ZEB1: variants seen among roughly 807,000 people sequenced by gnomAD.
The protein encoded by ZEB1 is zinc finger E-box binding homeobox 1, also known as zinc finger E-box-binding homeobox 1.
A neutral mutation model predicts 84.9 loss-of-function variants in ZEB1; 21 were observed. That is an observed-to-expected ratio of 0.25 (90% confidence interval 0.18 to 0.36). The LOEUF (loss-of-function observed/expected upper bound fraction) is 0.36. ZEB1 is among the 10% of genes least tolerant of loss of function. ZEB1 has a pLI of 1.00. For missense variants in ZEB1, 1,104 were observed against 1,330.2 expected (o/e 0.83, Z 2.65); for synonymous variants, 420 against 471.1 (o/e 0.89, Z 1.41).
At chr10:31,446,555 T>C (rs1412721745) in intron 1 of ZEB1, among the ~76,000 whole-genome samples, 1 of 151,430 alleles carries the variant, frequency 6.6e-6, no homozygotes, top group African/African-American at 2.4e-5. Context: ...CATTTAGTGC[T>C]ATAAATTTCC....
chr10:31,478,897 G>C (rs954012841), intron 2 of ZEB1, among the ~76,000 whole-genome samples: 2 of 151,732 alleles, frequency 1.3e-5, no homozygotes, highest in Middle Eastern at 3.4e-3. Flanking sequence ...TTTATAATTC[G>C]AATTTACAAT....
At chr10:31,439,571 T>C (rs986021116) in intron 1 of ZEB1, among the ~76,000 whole-genome samples, 2 of 152,096 alleles carry the variant, frequency 1.3e-5, no homozygotes, top group Non-Finnish European at 2.9e-5. Context: ...CCTGTCTGAA[T>C]GGAACTTGCA....
At chr10:31,497,582 A>T (rs192726479) in intron 3 of ZEB1, among the ~76,000 whole-genome samples, 1 of 152,254 alleles carries the variant, frequency 6.6e-6, no homozygotes, top group African/African-American at 2.4e-5. Context: ...GAGACTTTTG[A>T]GCAGTTAAAC....
At chr10:31,420,222 A>G (rs1313448285) in intron 1 of ZEB1, among the ~76,000 whole-genome samples, 1 of 152,130 alleles carries the variant, frequency 6.6e-6, no homozygotes, top group East Asian at 1.9e-4. Context: ...CTGCGTAACA[A>G]ATGACAAGAA....
intron 2 of ZEB1, among the ~76,000 whole-genome samples, chr10:31,461,919 G>A (rs2061866142): frequency 6.6e-6 from 1 of 152,018 alleles, no homozygotes; most frequent in Non-Finnish European, 1.5e-5. Flanking sequence ...AGCCTGTCTT[G>A]CCAGGTTAAG....
At chr10:31,400,611 T>C (rs1002601133) in intron 1 of ZEB1, among the ~76,000 whole-genome samples, 2 of 152,120 alleles carry the variant, frequency 1.3e-5, no homozygotes, top group African/African-American at 4.8e-5. Context: ...AAAGTAGTCA[T>C]TTAGTACAGT....
intron 1 of ZEB1, among the ~76,000 whole-genome samples, chr10:31,330,487 T>G (rs1177794068): frequency 6.6e-6 from 1 of 152,214 alleles, no homozygotes; most frequent in African/African-American, 2.4e-5. Context: ...GCGAGTGTTG[T>G]CTTCAAGGTT....
In ZEB1 at chr10:31,463,949, G is replaced by A. The variant is rs535136794; in HGVS notation, c.259+2712G>A. On this transcript the variant is annotated intron_variant, in intron 2 of 8. Transcript: ENST00000424869. ...ACTGACCCATAAAGGCTAATTACTA[G>A]AGTTACGTCATACAGATTTATAAAA... Among the ~76,000 whole-genome samples the A allele has an allele frequency of 2.0e-5, 3 of 152,276 alleles. No homozygotes were observed. In the South Asian group the frequency reaches 6.2e-4, roughly 32 times the overall value.
chr10:31,509,966 T>C (rs1037939800), intron 4 of ZEB1, among the ~76,000 whole-genome samples: 1 of 152,180 alleles, frequency 6.6e-6, no homozygotes, highest in African/African-American at 2.4e-5. Flanking sequence ...TATTCATACA[T>C]ATACAGTTAT....
At chr10:31,362,741 T>G in intron 1 of ZEB1, 1 of 573,332 alleles carries the variant, frequency 1.7e-6, no homozygotes, top group Non-Finnish European at 3.2e-6. Flanking sequence ...GAGATGCTCC[T>G]CAGGTCTCAA....
chr10:31,486,188 A>G (rs1382457775), intron 2 of ZEB1, among the ~76,000 whole-genome samples: 1 of 151,760 alleles, frequency 6.6e-6, no homozygotes, highest in African/African-American at 2.4e-5. Context: ...AGTTGCTGTA[A>G]ACATTAGTAT....
At chr10:31,398,896 G>C (rs1325640446) in intron 1 of ZEB1, among the ~76,000 whole-genome samples, 4 of 151,826 alleles carry the variant, frequency 2.6e-5, no homozygotes, top group Non-Finnish European at 4.4e-5. Flanking sequence ...GAATTTTGAG[G>C]CCTTTAAAAC....
intron 1 of ZEB1, among the ~76,000 whole-genome samples, chr10:31,449,285 C>T (rs554048918): frequency 3.9e-5 from 6 of 152,332 alleles, no homozygotes; most frequent in African/African-American, 7.2e-5. Context: ...GCACAGTGCG[C>T]GCACCCACTG....
chr10:31,495,788 G>A lies in ZEB1; in HGVS notation c.272G>A (p.Gly91Glu). The change falls in exon 3 of 9, where the codon GGG becomes GAG. Residue 91 changes from glycine to glutamate, a missense_variant. Coordinates refer to ENST00000424869, the MANE Select transcript of ZEB1 (RefSeq NM_001174096.2). ...NCWEDDTGKEGQEILGPEAQA... is the reference protein window; with the variant it reads ...NCWEDDTGKEEQEILGPEAQA... ...TCTTTGATTTCAGCAGGAAAGGAAG[G>A]GCAAGAAATCCTGGGGCCTGAAGCT... The A allele has an allele frequency of 6.2e-7, 1 of 1,612,822 alleles. No individual in the cohort carries two copies. The highest frequency in any genetic ancestry group is 8.5e-7 in the Non-Finnish European group (1 of 1,179,092).
chr10:31,382,861 T>C (rs2047939500), intron 1 of ZEB1, among the ~76,000 whole-genome samples: 1 of 151,934 alleles, frequency 6.6e-6, no homozygotes, highest in South Asian at 2.1e-4. Flanking sequence ...GAGAAATGAA[T>C]ATGACAGATT....
At chr10:31,491,785 T>C (rs537405544) in intron 2 of ZEB1, among the ~76,000 whole-genome samples, 10 of 151,938 alleles carry the variant, frequency 6.6e-5, no homozygotes, top group Non-Finnish European at 1.0e-4. Context: ...ATATTTTTAA[T>C]CATTATCTAA....
At chr10:31,500,605 A>G (rs2067981988) in intron 3 of ZEB1, among the ~76,000 whole-genome samples, 2 of 152,154 alleles carry the variant, frequency 1.3e-5, no homozygotes, top group Non-Finnish European at 1.5e-5. Context: ...TTTGAACTTT[A>G]CTCCTTTGGC....
Position 31,477,068 on chromosome 10 carries a change from G to T in ZEB1, c.259+15831G>T, listed in dbSNP as rs1263693203. 2.6e-5 allele frequency among the ~76,000 whole-genome samples: 4 copies of T among 151,912 alleles called. No individual in the cohort carries two copies. In the East Asian group the frequency reaches 7.7e-4, roughly 29 times the overall value. On this transcript the variant is annotated intron_variant, in intron 2 of 8. Coordinates refer to ENST00000424869, the MANE Select transcript of ZEB1 (RefSeq NM_001174096.2). ...ACTGGAAGTCCTAGACAGAACAGTT[G>T]GGCAAGAGAAAGAAACAAAAGGCAT... is the stretch of plus-strand genomic sequence containing the variant.
At chr10:31,476,220 T>C (rs183898902) in intron 2 of ZEB1, among the ~76,000 whole-genome samples, 2 of 151,920 alleles carry the variant, frequency 1.3e-5, no homozygotes, top group Admixed American at 1.3e-4. Context: ...CTAACTAGTT[T>C]AATGAAGAAA....
Sources: allele counts gnomAD v4.1 joint callset (sites outside exome capture counted in the v4.1 genomes callset), GRCh38; gene constraint gnomAD v4.1.1; transcripts MANE v1.5; gene names NCBI Gene and HGNC (gene_info 2026-07-23, HGNC 2026-07-21).